ZNF710: variants seen among roughly 807,000 people sequenced by gnomAD.
ZNF710 encodes the protein zinc finger protein 710.
ZNF710 carries 13 observed loss-of-function variants against 50.6 expected under a neutral mutation model. The ratio of observed to expected loss-of-function variants is 0.26; its 90% confidence interval spans 0.17 to 0.41. The LOEUF is 0.41. Ranked by LOEUF, ZNF710 falls within the 10% of genes least tolerant of loss-of-function variation. The pLI is 1.00. For synonymous variants in ZNF710, 383 were observed against 397.0 expected, an observed-to-expected ratio of 0.96 and a Z score of 0.42; for missense variants, 721 against 936.6, an observed-to-expected ratio of 0.77 and a Z score of 3.01.
intron 2 of ZNF710, among the ~76,000 whole-genome samples, chr15:90,070,737 T>C (rs2151532578): frequency 6.6e-6 from 1 of 152,158 alleles, no homozygotes; most frequent in Non-Finnish European, 1.5e-5. Context: ...GAGGATTGCT[T>C]GAGCCCAGGA....
intron 1 of ZNF710, among the ~76,000 whole-genome samples, chr15:90,035,156 G>A (rs999582724): frequency 8.5e-5 from 13 of 152,246 alleles, no homozygotes; most frequent in East Asian, 1.9e-4. Flanking sequence ...GTGATTGACC[G>A]CATTTGCCTC....
intron 2 of ZNF710, among the ~76,000 whole-genome samples, chr15:90,069,966 G>A (rs944206468): frequency 6.6e-6 from 1 of 151,930 alleles, no homozygotes; most frequent in African/African-American, 2.4e-5. Flanking sequence ...GGTTTCCACC[G>A]AAATCCCACC....
chr15:90,063,569 T>C (rs1398857206), intron 1 of ZNF710, among the ~76,000 whole-genome samples: 2 of 152,098 alleles, frequency 1.3e-5, no homozygotes, highest in Admixed American at 6.5e-5. Flanking sequence ...AAGCACAGGC[T>C]CCTGACACAG....
Position 90,068,519 on chromosome 15 carries a change from G to T in ZNF710, c.1382G>T (p.Arg461Leu). The change falls in exon 2 of 5, where the codon CGA becomes CTA. Residue 461 changes from arginine (R) to leucine (L), a missense_variant. Physicochemically the swap from Arg to Leu is moderately radical, Grantham distance 102 (BLOSUM62 -2). This residue lies in a region of ZNF710 where 326 missense variants were observed against 522.0 expected (regional missense o/e 0.62). Coordinates refer to ENST00000268154, the MANE Select transcript of ZNF710 (RefSeq NM_198526.4). This position sits in a 1 kb window ranked among gnomAD's most constrained non-coding sequence, Gnocchi z 5.0. ...CACATGCTCAAGCACCAGAACGTGCGACCCTTCGTGTGCACTGAATGCGGC... is the reference window on the plus strand; with the variant it reads ...CACATGCTCAAGCACCAGAACGTGCTACCCTTCGTGTGCACTGAATGCGGC... The part of the protein sequence containing the change: ...QNHMLKHQNV[R>L]PFVCTECGME... 4 of 1,613,118 alleles carry T rather than the reference G, an allele frequency of 2.5e-6. No individual in the cohort carries two copies. Among genetic ancestry groups the T allele is most frequent in the Non-Finnish European group, 3.4e-6 (4 of 1,180,026 alleles).
At chr15:90,079,574 TAGAA>T in intron 4 of ZNF710, 82 bp from the exon 5 acceptor site, 1 of 1,527,866 alleles carries the variant, frequency 6.5e-7, no homozygotes, top group Non-Finnish European at 8.9e-7. Context: ...GCCCTCTCTT[TAGAA>T]AGGCCATCAG....
Position 90,074,272 on chromosome 15 carries a change from A to T in ZNF710, c.1807A>T (p.Ile603Phe). 1.2e-6 allele frequency: 2 copies of T among 1,613,576 alleles called. No individual in the cohort carries two copies. The highest frequency in any genetic ancestry group is 1.7e-6 in the Non-Finnish European group (2 of 1,179,988). ...GAAGGTCAAGCATGGCGTCATGGACATCGGCCTGGACAGCCAAGGTGGGTG... is the reference window on the plus strand; with the variant it reads ...GAAGGTCAAGCATGGCGTCATGGACTTCGGCCTGGACAGCCAAGGTGGGTG... The part of the protein sequence containing the change: ...HMKVKHGVMD[I>F]GLDSQDPMME... The change falls in exon 4 of 5, where the codon ATC (isoleucine) becomes TTC (phenylalanine). Residue 603 changes from isoleucine to phenylalanine, a missense_variant. Coordinates refer to ENST00000268154, the MANE Select transcript of ZNF710 (RefSeq NM_198526.4).
chr15:90,030,892 G>A (rs953486777), intron 1 of ZNF710, among the ~76,000 whole-genome samples: 1 of 151,858 alleles, frequency 6.6e-6, no homozygotes, highest in African/African-American at 2.4e-5. Flanking sequence ...GGTGGCGCGC[G>A]CCTGTAGTCC....
At chr15:90,022,411 G>A (rs1328081040) in intron 1 of ZNF710, among the ~76,000 whole-genome samples, 1 of 152,150 alleles carries the variant, frequency 6.6e-6, no homozygotes, top group African/African-American at 2.4e-5. Context: ...AGGCATGGGG[G>A]ACTCAAACAT....
intron 1 of ZNF710, among the ~76,000 whole-genome samples, chr15:90,047,590 CTTTTTTT>C (rs11452913): frequency 7.1e-6 from 1 of 140,904 alleles, no homozygotes; most frequent in Non-Finnish European, 1.5e-5. Context: ...TTTCTTTTTT[CTTTTTTT>C]TTTTTTGAGA....
intron 1 of ZNF710, among the ~76,000 whole-genome samples, chr15:90,018,900 T>C (rs2151472225): frequency 6.6e-6 from 1 of 152,278 alleles, no homozygotes; most frequent in African/African-American, 2.4e-5. Context: ...TGTTTGTTTG[T>C]TTGTTTTTTA....
At chr15:90,007,506 C>T (rs1167300773) in intron 1 of ZNF710, among the ~76,000 whole-genome samples, 4 of 152,022 alleles carry the variant, frequency 2.6e-5, no homozygotes, top group Admixed American at 6.6e-5. Flanking sequence ...CTTTCACTGG[C>T]CTCAAGGGAG....
At chr15:90,031,719 C>G (rs902019864) in intron 1 of ZNF710, among the ~76,000 whole-genome samples, 1 of 152,184 alleles carries the variant, frequency 6.6e-6, no homozygotes, top group African/African-American at 2.4e-5. Context: ...ATCTCTCACT[C>G]TCTGCTGGGG....
chr15:90,067,592 A>G lies in ZNF710; in HGVS notation c.455A>G (p.Gln152Arg), dbSNP rs1176978922. 2.5e-5 allele frequency: 41 copies of G among 1,610,252 alleles called. No homozygotes were observed. The highest frequency in any genetic ancestry group is 3.3e-5 in the Non-Finnish European group (39 of 1,178,506). ...AGTGGCGGCTGCGACGCCCTGGTGCAGAGCAGCGCCGTCAAGATGATCGAC... is the reference window on the plus strand; with the variant it reads ...AGTGGCGGCTGCGACGCCCTGGTGCGGAGCAGCGCCGTCAAGATGATCGAC... ...AASGGCDALVQSSAVKMIDLS... is the reference protein window; with the variant it reads ...AASGGCDALVRSSAVKMIDLS... Residue 152 changes from glutamine (Q) to arginine (R), a missense_variant, in exon 2 of 5, where the codon CAG becomes CGG. Transcript: ENST00000268154. This position sits in a 1 kb window ranked among gnomAD's most constrained non-coding sequence, Gnocchi z 8.1.
chr15:90,036,789 C>A (rs1899141024), intron 1 of ZNF710, among the ~76,000 whole-genome samples: 1 of 151,846 alleles, frequency 6.6e-6, no homozygotes, highest in Non-Finnish European at 1.5e-5. Context: ...GATCGTGTTA[C>A]TTCTGGCTTC....
intron 1 of ZNF710, among the ~76,000 whole-genome samples, chr15:90,035,342 T>C (rs1208940492): frequency 2.6e-5 from 4 of 152,286 alleles, no homozygotes; most frequent in Admixed American, 2.0e-4. Context: ...CCTGCAGCAG[T>C]GACATCTCCA....
chr15:90,049,489 C>G, intron 1 of ZNF710, among the ~76,000 whole-genome samples: 1 of 152,206 alleles, frequency 6.6e-6, no homozygotes, highest in Middle Eastern at 3.2e-3. Context: ...TCACTTTCGC[C>G]CTTGGGTCAC....
intron 1 of ZNF710, among the ~76,000 whole-genome samples, chr15:90,038,118 G>C (rs937502630): frequency 6.6e-6 from 1 of 152,178 alleles, no homozygotes; most frequent in Admixed American, 6.5e-5. Flanking sequence ...AGCCTTGCCC[G>C]ATTACCCCAG....
chr15:90,050,093 A>G (rs1899592073), intron 1 of ZNF710, among the ~76,000 whole-genome samples: 1 of 152,230 alleles, frequency 6.6e-6, no homozygotes. Context: ...CTATCAGCTG[A>G]TACGTTGCAC....
At chr15:90,005,460 CTT>C (rs1383491449) in intron 1 of ZNF710, among the ~76,000 whole-genome samples, 2 of 150,780 alleles carry the variant, frequency 1.3e-5, no homozygotes, top group Non-Finnish European at 3.0e-5. Flanking sequence ...TTTTTTTTTT[CTT>C]TTTTTGAGAC....
Sources: gnomAD v4.1 joint callset for allele counts (sites outside exome capture counted in the v4.1 genomes callset) on GRCh38, gnomAD v4.1.1 for gene constraint, gnomAD v4.1.1 regional missense constraint, Gnocchi (gnomAD v3.1) non-coding constraint, MANE v1.5 for transcripts, NCBI Gene and HGNC (gene_info 2026-07-23, HGNC 2026-07-21) for gene names.